The following PCDHGB7 variants were observed in gnomAD, a reference collection of about 807,000 sequenced individuals.
The protein encoded by PCDHGB7 is protocadherin gamma-B7.
In PCDHGB7, 37 loss-of-function variants were observed where a neutral mutation model predicts 61.4. The ratio of observed to expected loss-of-function variants is 0.60; its 90% CI spans 0.46 to 0.79. The LOEUF is 0.79. Among genes scored for constraint, PCDHGB7 ranks in the 30% least tolerant of loss-of-function variants. The pLI, the probability that PCDHGB7 is intolerant of heterozygous loss-of-function variation, is 0.00. For missense variants in PCDHGB7, 1,166 were observed against 1,202.5 expected, an observed-to-expected ratio of 0.97 and a Z score of 0.45; for synonymous variants, 464 against 503.5, an observed-to-expected ratio of 0.92 and a Z score of 1.05.
intron 1 of PCDHGB7, chr5:141,478,287 G>A (rs777542913): frequency 3.7e-6 from 6 of 1,614,154 alleles, no homozygotes; most frequent in Non-Finnish European, 5.1e-6. Flanking sequence ...AAGCAGTCTA[G>A]AGACCTATAC....
At chr5:141,503,902 C>T (rs552180745) in intron 2 of PCDHGB7, among the ~76,000 whole-genome samples, 7 of 152,328 alleles carry the variant, frequency 4.6e-5, no homozygotes, top group African/African-American at 1.7e-4. Context: ...AATATGCACA[C>T]ACACAACGCA....
At position 141,432,749 on chromosome 5, in the gene PCDHGB7, G is replaced by A; in HGVS notation, c.2415+12475G>A. 6.8e-6 allele frequency: 11 copies of A among 1,614,106 alleles called. No homozygotes were observed. The highest frequency in any genetic ancestry group is 9.3e-6 in the Non-Finnish European group (11 of 1,179,980). On this transcript the variant is annotated intron_variant, in intron 1 of 3. Coordinates refer to ENST00000398594, the MANE Select transcript of PCDHGB7 (RefSeq NM_018927.4). The surrounding 1 kb of genome is among the most constrained non-coding windows in gnomAD (Gnocchi z 6.0). ...CGCCACTGTCACGCTCACCGTGGCCGTGGCCGACAGCATCCCCCAAGTCCT... is the reference window on the plus strand; with the variant it reads ...CGCCACTGTCACGCTCACCGTGGCCATGGCCGACAGCATCCCCCAAGTCCT...
intron 1 of PCDHGB7, chr5:141,422,019 G>T (rs777239843): frequency 1.9e-6 from 3 of 1,610,862 alleles, no homozygotes; most frequent in Non-Finnish European, 2.5e-6. Context: ...GGGTGCTGAT[G>T]GTTAATGCAA....
intron 3 of PCDHGB7, among the ~76,000 whole-genome samples, chr5:141,509,815 TCTC>T (rs1596250992): frequency 6.6e-6 from 1 of 152,226 alleles, no homozygotes; most frequent in East Asian, 1.9e-4. Flanking sequence ...GCCGAGCTCT[TCTC>T]CATCTTCTCT....
Position 141,493,836 on chromosome 5 carries a change from A to G in PCDHGB7, c.2416-971A>G, listed in dbSNP as rs1411929024. Among the ~76,000 whole-genome samples the G allele has an allele frequency of 6.6e-6, 1 of 152,194 alleles. No individual in the cohort carries two copies. Among genetic ancestry groups the G allele is most frequent in the Non-Finnish European group, 1.5e-5 (1 of 68,038 alleles). On this transcript the variant is annotated intron_variant, in intron 1 of 3. Transcript: ENST00000398594. This position sits in a 1 kb window ranked among gnomAD's most constrained non-coding sequence, Gnocchi z 4.3. ...ACACTCTCTGCTTCTGGGAGCAAGT[A>G]TGAGTATTAATTACCAGCCCACCCC...
At chr5:141,496,637 C>T (rs907246032) in intron 2 of PCDHGB7, among the ~76,000 whole-genome samples, 6 of 152,214 alleles carry the variant, frequency 3.9e-5, no homozygotes, top group Non-Finnish European at 7.3e-5. Context: ...GCTTGGGCTG[C>T]CCTTGCCCTT....
Position 141,418,348 on chromosome 5 carries a change from T to C in PCDHGB7, c.489T>C (p.Ser163=). The part of the protein sequence containing the change: ...ILESAEDPDI[S]MNSLSKYQLS... ...AGTCTGCAGAAGATCCTGATATTAG[T>C]ATGAATTCGCTGAGCAAATACCAAC... Residue 163 remains serine (S), a synonymous_variant, in exon 1 of 4, where the codon AGT becomes AGC. Coordinates refer to ENST00000398594, the MANE Select transcript of PCDHGB7 (RefSeq NM_018927.4). The C allele has an allele frequency of 2.5e-6, 4 of 1,613,982 alleles. No homozygotes were observed. Among genetic ancestry groups the C allele is most frequent in the Non-Finnish European group, 3.4e-6 (4 of 1,179,884 alleles).
intron 1 of PCDHGB7, chr5:141,423,758 G>GA: frequency 1.1e-5 from 4 of 366,840 alleles, no homozygotes; most frequent in South Asian, 8.5e-5. Flanking sequence ...TTTGGGGGGG[G>GA]GGTGGGGCGG....
In PCDHGB7 at chr5:141,477,533, G is replaced by C. The variant is rs780541121; in HGVS notation, c.2416-17274G>C. On this transcript the variant is annotated intron_variant, in intron 1 of 3. Transcript: ENST00000398594. This position sits in a 1 kb window ranked among gnomAD's most constrained non-coding sequence, Gnocchi z 4.9. ...TTACATTGAAGAAAACAACCTCCCC[G>C]GGGCTCCAATACTAAACCTAAGTGT... The C allele has an allele frequency of 6.2e-7, 1 of 1,613,892 alleles. No individual in the cohort carries two copies. The highest frequency in any genetic ancestry group is 1.3e-5 in the African/African-American group (1 of 74,852).
intron 3 of PCDHGB7, among the ~76,000 whole-genome samples, chr5:141,506,598 G>A (rs1056005258): frequency 6.6e-6 from 1 of 152,130 alleles, no homozygotes; most frequent in Non-Finnish European, 1.5e-5. Context: ...CAGTATTAAC[G>A]GATCTCATTG....
intron 1 of PCDHGB7, chr5:141,475,949 G>A: frequency 1.3e-6 from 1 of 758,910 alleles, no homozygotes; most frequent in South Asian, 1.9e-5. Flanking sequence ...TCCCCTTTCT[G>A]CGCCCCGGGA....
At chr5:141,439,029 G>A (rs2098083069) in intron 1 of PCDHGB7, among the ~76,000 whole-genome samples, 1 of 151,510 alleles carries the variant, frequency 6.6e-6, no homozygotes, top group Non-Finnish European at 1.5e-5. Flanking sequence ...GAAAATAGAT[G>A]CCTCAGTTCA....
rs936419038 is a variant in PCDHGB7 at position 141,493,313 on chromosome 5, G to T, written c.2416-1494G>T. On this transcript the variant is annotated intron_variant, in intron 1 of 3. Transcript: ENST00000398594. This position sits in a 1 kb window ranked among gnomAD's most constrained non-coding sequence, Gnocchi z 4.3. ...TCAAGTTCACAGAGCAAGTAAGAGA[G>T]ATTCTAACCCCTGTCTAACTCCAGA... Among the ~76,000 whole-genome samples, 4 of 152,214 alleles carry T rather than the reference G, an allele frequency of 2.6e-5. No individual in the cohort carries two copies. Among genetic ancestry groups the T allele is most frequent in the Non-Finnish European group, 4.4e-5 (3 of 68,040 alleles).
chr5:141,445,825 G>A (rs1031190864), intron 1 of PCDHGB7, among the ~76,000 whole-genome samples: 8 of 152,124 alleles, frequency 5.3e-5, no homozygotes, highest in Non-Finnish European at 1.2e-4. Context: ...AATAAGGCAG[G>A]GAGAGCCTTG....
chr5:141,426,829 A>G, intron 1 of PCDHGB7: 2 of 456,716 alleles, frequency 4.4e-6, no homozygotes, highest in South Asian at 3.1e-5. Context: ...CTGATGATGG[A>G]CAAGACTAAA....
Position 141,486,552 on chromosome 5 carries a change from A to G in PCDHGB7, c.2416-8255A>G. On this transcript the variant is annotated intron_variant, in intron 1 of 3. Coordinates refer to ENST00000398594, the MANE Select transcript of PCDHGB7 (RefSeq NM_018927.4). This position sits in a 1 kb window ranked among gnomAD's most constrained non-coding sequence, Gnocchi z 5.0. ...CCACCCTCTTTCTTTCAGAGGTCAC[A>G]TGAGGTGTTTGTTCCTGAGAACAAT... is the stretch of plus-strand genomic sequence containing the variant. 1 of 1,614,136 alleles carries G rather than the reference A, an allele frequency of 6.2e-7. No homozygotes were observed. The highest frequency in any genetic ancestry group is 2.2e-5 in the East Asian group (1 of 44,882).
At chr5:141,454,838 C>G (rs1472341694) in intron 1 of PCDHGB7, among the ~76,000 whole-genome samples, 1 of 100,816 alleles carries the variant, frequency 9.9e-6, no homozygotes, top group South Asian at 3.5e-4. Flanking sequence ...GACAGAGTCG[C>G]GCTCTGTCAC....
intron 1 of PCDHGB7, among the ~76,000 whole-genome samples, chr5:141,448,604 A>G (rs954578256): frequency 1.3e-5 from 2 of 152,118 alleles, no homozygotes; most frequent in Non-Finnish European, 2.9e-5. Flanking sequence ...AATACTATAC[A>G]CCACTTTATA....
intron 3 of PCDHGB7, among the ~76,000 whole-genome samples, chr5:141,509,336 GC>G (rs2099876304): frequency 6.6e-6 from 1 of 152,178 alleles, no homozygotes; most frequent in Non-Finnish European, 1.5e-5. Context: ...TGCCAGCTGG[GC>G]CTGGGCTGGC....
Sources: allele counts gnomAD v4.1 joint callset (sites outside exome capture counted in the v4.1 genomes callset), GRCh38; gene constraint gnomAD v4.1.1; non-coding constraint Gnocchi (gnomAD v3.1); transcripts MANE v1.5; gene names NCBI Gene and HGNC (gene_info 2026-07-23, HGNC 2026-07-21).